Variants in ATP9A observed in about 807,000 individuals in gnomAD.
ATP9A encodes the protein ATPase phospholipid transporting 9A.
Under a neutral mutation model 144.1 loss-of-function variants are expected in ATP9A, and 52 were observed. The observed-to-expected ratio is 0.36, with a 90% confidence interval of 0.29 to 0.45. ATP9A has a LOEUF of 0.45. Ranked by LOEUF, ATP9A falls within the 20% of genes least tolerant of loss-of-function variation. The pLI is 1.00. For synonymous variants in ATP9A, 582 were observed against 557.4 expected (o/e 1.04, Z -0.62); for missense variants, 947 against 1,392.7 (o/e 0.68, Z 5.09).
At chr20:51,685,376 T>C (rs1347679697) in intron 9 of ATP9A, among the ~76,000 whole-genome samples, 1 of 151,894 alleles carries the variant, frequency 6.6e-6, no homozygotes, top group Non-Finnish European at 1.5e-5. Context: ...CTGGACAACA[T>C]GATGAAACCC....
At chr20:51,628,806 T>C (rs930733805) in intron 16 of ATP9A, among the ~76,000 whole-genome samples, 174 bp downstream of exon 16, 2 of 152,236 alleles carry the variant, frequency 1.3e-5, no homozygotes, top group African/African-American at 4.8e-5. Flanking sequence ...CCAGCATCCC[T>C]GACCCACAGA....
intron 3 of ATP9A, among the ~76,000 whole-genome samples, chr20:51,722,254 G>C (rs890863437): frequency 5.3e-5 from 8 of 152,106 alleles, no homozygotes; most frequent in Non-Finnish European, 8.8e-5. Flanking sequence ...AGGTAACATT[G>C]GAAAAACCCT....
chr20:51,751,161 C>A (rs1489573402), intron 1 of ATP9A, among the ~76,000 whole-genome samples: 2 of 152,114 alleles, frequency 1.3e-5, no homozygotes, highest in African/African-American at 2.4e-5. Context: ...TCAACATGTA[C>A]CCTCACTGAA....
At position 51,737,773 on chromosome 20, in the gene ATP9A, A is replaced by C. The variant is rs367727476; in HGVS notation, c.69-7795T>G. ...AACTAAGCAGAGGTACTGTGGTCCT[A>C]AACTTTTGAACTTGTATGCTTCAAG... On this transcript the variant is annotated intron_variant, in intron 1 of 27. Coordinates refer to ENST00000338821, the MANE Select transcript of ATP9A (RefSeq NM_006045.3). Among the ~76,000 whole-genome samples, 5 of 152,322 alleles carry C rather than the reference A, an allele frequency of 3.3e-5. No individual in the cohort carries two copies. In the East Asian group the frequency reaches 5.8e-4, roughly 18 times the overall value.
At chr20:51,641,673 A>C (rs894435985) in intron 14 of ATP9A, among the ~76,000 whole-genome samples, 3 of 149,446 alleles carry the variant, frequency 2.0e-5, no homozygotes, top group Non-Finnish European at 4.5e-5. Context: ...AAATAAAAAA[A>C]ATAAAAAATA....
At chr20:51,739,508 T>A (rs978904697) in intron 1 of ATP9A, among the ~76,000 whole-genome samples, 1 of 151,626 alleles carries the variant, frequency 6.6e-6, no homozygotes. Flanking sequence ...CCCGCCACCA[T>A]GCCCGGCTAA....
intron 3 of ATP9A, among the ~76,000 whole-genome samples, chr20:51,724,173 AAAAT>A (rs149548710): frequency 6.6e-6 from 1 of 151,964 alleles, no homozygotes; most frequent in African/African-American, 2.4e-5. Context: ...CTCCATCTCA[AAAAT>A]AAATAAATAA....
Position 51,647,998 on chromosome 20 carries a change from T to C in ATP9A, c.1507-8494A>G, listed in dbSNP as rs115081187. The stretch of plus-strand genomic sequence containing the variant: ...AATAATACTGATGGAAGAATTCCCC[T>C]ATAGTTCCTAACCTCTGTTCTTTGA... On this transcript the variant is annotated intron_variant, in intron 14 of 27. Transcript: ENST00000338821. Among the ~76,000 whole-genome samples the C allele has an allele frequency of 1.6e-3, 241 of 152,336 alleles. 4 individuals carry two copies. Among genetic ancestry groups the C allele is most frequent in the African/African-American group, 5.7e-3 (235 of 41,570 alleles).
chr20:51,733,009 G>A (rs2077748633), intron 1 of ATP9A, among the ~76,000 whole-genome samples: 1 of 151,970 alleles, frequency 6.6e-6, no homozygotes, highest in African/African-American at 2.4e-5. Context: ...TCTAATGAAA[G>A]ATGAAAAATG....
chr20:51,690,274 G>A (rs6126302), intron 8 of ATP9A, among the ~76,000 whole-genome samples: 1 of 152,030 alleles, frequency 6.6e-6, no homozygotes, highest in Non-Finnish European at 1.5e-5. Context: ...CAAAAAATTA[G>A]CTGGGCGCAG....
chr20:51,692,788 C>G (rs2077553956), intron 7 of ATP9A, among the ~76,000 whole-genome samples: 3 of 152,064 alleles, frequency 2.0e-5, no homozygotes. Flanking sequence ...GGTGACAGAG[C>G]AAGATTCCGT....
intron 7 of ATP9A, among the ~76,000 whole-genome samples, chr20:51,693,468 C>G (rs769579083): frequency 1.3e-5 from 2 of 151,966 alleles, no homozygotes; most frequent in Non-Finnish European, 2.9e-5. Flanking sequence ...CAGCAAGCAC[C>G]GCAGAACTGA....
chr20:51,739,970 T>C (rs1601138841), intron 1 of ATP9A, among the ~76,000 whole-genome samples: 2 of 152,290 alleles, frequency 1.3e-5, no homozygotes, highest in African/African-American at 4.8e-5. Context: ...CTGCAAAGAT[T>C]CACCCACCCC....
intron 14 of ATP9A, among the ~76,000 whole-genome samples, chr20:51,642,966 C>A (rs2077327252): frequency 6.6e-6 from 1 of 151,804 alleles, no homozygotes; most frequent in South Asian, 2.1e-4. Context: ...TGTCCCCAGC[C>A]CCCAGCCCCC....
rs558735965 is a variant in ATP9A at position 51,607,916 on chromosome 20, C to T, written c.2746-332G>A. Among the ~76,000 whole-genome samples, 56 of 151,924 alleles carry T rather than the reference C, an allele frequency of 3.7e-4. No homozygotes were observed. In the South Asian group the frequency reaches 9.8e-3, roughly 27 times the overall value. On this transcript the variant is annotated intron_variant, in intron 25 of 27. Coordinates refer to ENST00000338821, the MANE Select transcript of ATP9A (RefSeq NM_006045.3). ...AAAATTAGCCAGGCATGGTGGTGCA[C>T]GCCTGTAATCCCAGCTACTCGGGAG... is the stretch of plus-strand genomic sequence containing the variant.
At chr20:51,727,463 G>A (rs551158688) in intron 2 of ATP9A, among the ~76,000 whole-genome samples, 10 of 151,898 alleles carry the variant, frequency 6.6e-5, no homozygotes, top group East Asian at 1.9e-4. Flanking sequence ...GCATGCACCC[G>A]TAGTCCCAGC....
chr20:51,742,768 G>A (rs1297838930), intron 1 of ATP9A, among the ~76,000 whole-genome samples: 1 of 152,170 alleles, frequency 6.6e-6, no homozygotes, highest in Non-Finnish European at 1.5e-5. Flanking sequence ...AGCCGCCTCG[G>A]CCTCCCAAAG....
In ATP9A at chr20:51,651,433, T is replaced by C. The variant is rs938084422; in HGVS notation, c.1506+5505A>G. 3.4e-5 allele frequency among the ~76,000 whole-genome samples: 5 copies of C among 146,160 alleles called. No homozygotes were observed. In the East Asian group the frequency reaches 7.8e-4, roughly 23 times the overall value. ...TTATAAATATGCATATCATATATTA[T>C]ATAAATACACATAAAATAAAATAAA... On this transcript the variant is annotated intron_variant, in intron 14 of 27. Transcript: ENST00000338821.
chr20:51,753,262 T>C (rs1378088441), intron 1 of ATP9A, among the ~76,000 whole-genome samples: 2 of 152,170 alleles, frequency 1.3e-5, no homozygotes, highest in Non-Finnish European at 2.9e-5. Context: ...CATTTGCATA[T>C]GGCAAAACCC....
Sources: gnomAD v4.1 joint callset for allele counts (sites outside exome capture counted in the v4.1 genomes callset) on GRCh38, gnomAD v4.1.1 for gene constraint, MANE v1.5 for transcripts, NCBI Gene and HGNC (gene_info 2026-07-23, HGNC 2026-07-21) for gene names.